LYPD6B: variants seen among roughly 807,000 people sequenced by gnomAD.
LYPD6B encodes the protein ly6/PLAUR domain-containing protein 6B.
LYPD6B carries 17 observed loss-of-function variants against 22.8 expected under a neutral mutation model. The ratio of observed to expected loss-of-function variants is 0.75; its 90% CI spans 0.51 to 1.12. LYPD6B has a LOEUF of 1.12. Ranked by LOEUF, LYPD6B falls within the 50% of genes most tolerant of loss-of-function variation. LYPD6B has a pLI of 0.00. For synonymous variants in LYPD6B, 106 were observed against 91.6 expected (o/e 1.16, Z -0.90); for missense variants, 221 against 258.3 (o/e 0.86, Z 0.99).
Position 149,214,964 on chromosome 2 carries a change from G to A in LYPD6B, c.*254G>A. ...CCTGGTCAAAGAGAGCTACGTTTGG[G>A]CAGTTCTGCAGAGAGGATCCTGGCA... On this transcript the variant is annotated 3_prime_UTR_variant, in exon 7 of 7. Coordinates refer to ENST00000409642, the MANE Select transcript of LYPD6B (RefSeq NM_177964.5). 2.0e-6 allele frequency: 1 copy of A among 494,034 alleles called. No individual in the cohort carries two copies. Among genetic ancestry groups the A allele is most frequent in the Non-Finnish European group, 3.7e-6 (1 of 273,300 alleles). 30.6% of individuals were successfully genotyped at this position (494,034 alleles called of 1,614,324 possible). A position where few individuals can be genotyped will look rare whatever the true frequency, so the allele number is the denominator to read the frequency against.
chr2:149,155,990 G>A (rs986666672), intron 2 of LYPD6B, among the ~76,000 whole-genome samples: 1 of 152,174 alleles, frequency 6.6e-6, no homozygotes, highest in African/African-American at 2.4e-5. Flanking sequence ...AATGTGCAAG[G>A]ATTTTTACCC....
rs146713782 is a variant in LYPD6B, at chr2:149,176,541, C to T, written c.77+15706C>T. Among the ~76,000 whole-genome samples, 213 of 152,248 alleles carry T rather than the reference C, an allele frequency of 1.4e-3. 1 individual carries two copies. The highest frequency in any genetic ancestry group is 4.9e-3 in the African/African-American group (203 of 41,534). ...CATTGATAAGTTGTCTGGAGCTGGA[C>T]TCCAGATGCCTGCAAAGACCCCTCT... On this transcript the variant is annotated intron_variant, in intron 3 of 6. Transcript: ENST00000409642.
intron 1 of LYPD6B, among the ~76,000 whole-genome samples, chr2:149,046,816 TATC>T (rs1683328435): frequency 6.6e-6 from 1 of 152,340 alleles, no homozygotes; most frequent in East Asian, 1.9e-4. Flanking sequence ...CTATTGTTAT[TATC>T]ATTTTTTAAT....
At chr2:149,076,936 T>C (rs555025031) in intron 1 of LYPD6B, among the ~76,000 whole-genome samples, 3 of 152,076 alleles carry the variant, frequency 2.0e-5, no homozygotes, top group Admixed American at 6.6e-5. Context: ...GGGGTTAGAG[T>C]TGGTTCTGTG....
At chr2:149,183,619 A>T (rs1342954357) in intron 3 of LYPD6B, among the ~76,000 whole-genome samples, 1 of 152,160 alleles carries the variant, frequency 6.6e-6, no homozygotes, top group African/African-American at 2.4e-5. Context: ...TACATGTAGT[A>T]GAGTTAGTAA....
chr2:149,083,899 A>G (rs1187747469), intron 1 of LYPD6B, among the ~76,000 whole-genome samples: 3 of 151,878 alleles, frequency 2.0e-5, no homozygotes, highest in Non-Finnish European at 2.9e-5. Context: ...ACACGGTGAA[A>G]CCCTGTGTCT....
rs902001479 is a variant in LYPD6B, at chr2:149,133,947, C to T, written c.5+2994C>T. 2.6e-5 allele frequency among the ~76,000 whole-genome samples: 4 copies of T among 151,952 alleles called. No individual in the cohort carries two copies. The East Asian group carries it at 7.7e-4, about 29-fold the overall frequency. On this transcript the variant is annotated intron_variant, in intron 2 of 6. Coordinates refer to ENST00000409642, the MANE Select transcript of LYPD6B (RefSeq NM_177964.5). ...GTTATATTGAGGGGAGAGGAAAGAC[C>T]AACAAGCAATATATTTCTAGTGGTG...
At chr2:149,172,999 C>T (rs185942307) in intron 3 of LYPD6B, among the ~76,000 whole-genome samples, 25 of 150,496 alleles carry the variant, frequency 1.7e-4, no homozygotes, top group East Asian at 7.8e-4. Flanking sequence ...TATATATATG[C>T]GCTTATATAT....
chr2:149,061,662 C>T (rs1042398934), intron 1 of LYPD6B, among the ~76,000 whole-genome samples: 1 of 152,108 alleles, frequency 6.6e-6, no homozygotes, highest in African/African-American at 2.4e-5. Flanking sequence ...AAATACCATT[C>T]TTTTGCCAGC....
At chr2:149,058,579 G>C (rs1477875102) in intron 1 of LYPD6B, among the ~76,000 whole-genome samples, 1 of 152,172 alleles carries the variant, frequency 6.6e-6, no homozygotes, top group African/African-American at 2.4e-5. Context: ...TGTTTATGGA[G>C]TCTCAGCCTC....
At chr2:149,197,627 A>G (rs1185948183) in intron 3 of LYPD6B, among the ~76,000 whole-genome samples, 1 of 152,226 alleles carries the variant, frequency 6.6e-6, no homozygotes, top group African/African-American at 2.4e-5. Flanking sequence ...ATGACTCATT[A>G]ATTAGAGAAT....
At chr2:149,092,179 G>A (rs913219182) in intron 1 of LYPD6B, among the ~76,000 whole-genome samples, 2 of 152,084 alleles carry the variant, frequency 1.3e-5, no homozygotes, top group Non-Finnish European at 2.9e-5. Context: ...TGGTGGTTGT[G>A]ATTGTGGTGA....
intron 5 of LYPD6B, among the ~76,000 whole-genome samples, chr2:149,211,065 G>A (rs1693822362): frequency 6.6e-6 from 1 of 152,280 alleles, no homozygotes; most frequent in East Asian, 1.9e-4. Flanking sequence ...AGGGAATGAG[G>A]CATCTCACAT....
At chr2:149,050,468 T>C (rs929268415) in intron 1 of LYPD6B, among the ~76,000 whole-genome samples, 2 of 152,210 alleles carry the variant, frequency 1.3e-5, no homozygotes, top group African/African-American at 4.8e-5. Flanking sequence ...CTCCTGCATT[T>C]TGGGACTATT....
intron 1 of LYPD6B, among the ~76,000 whole-genome samples, chr2:149,042,575 G>A (rs1357297427): frequency 2.0e-5 from 3 of 152,132 alleles, no homozygotes; most frequent in Non-Finnish European, 4.4e-5. Context: ...AAATGCCTTG[G>A]GCAGTCATTT....
chr2:149,048,204 C>G (rs1683395659), intron 1 of LYPD6B, among the ~76,000 whole-genome samples: 1 of 152,072 alleles, frequency 6.6e-6, no homozygotes, highest in Non-Finnish European at 1.5e-5. Context: ...AACTAGACAT[C>G]TTATATAGGA....
At chr2:149,146,220 G>A (rs1212234052) in intron 2 of LYPD6B, among the ~76,000 whole-genome samples, 2 of 152,200 alleles carry the variant, frequency 1.3e-5, no homozygotes, top group East Asian at 1.9e-4. Context: ...TGCTCATGGG[G>A]GAATGAAGAG....
intron 1 of LYPD6B, among the ~76,000 whole-genome samples, chr2:149,041,098 CA>C (rs552623435): frequency 0.59 from 64,991 of 110,522 alleles, 15,974 homozygotes; most frequent in Non-Finnish European, 0.65. Context: ...GACTCCGTCT[CA>C]AAAAAAAAAA....
intron 1 of LYPD6B, among the ~76,000 whole-genome samples, chr2:149,050,991 C>T (rs1171048859): frequency 6.6e-6 from 1 of 151,736 alleles, no homozygotes; most frequent in Admixed American, 6.6e-5. Context: ...CAGAAATAGT[C>T]ACGGTTTGCA....
Sources: gnomAD v4.1 joint callset for allele counts (sites outside exome capture counted in the v4.1 genomes callset) on GRCh38, gnomAD v4.1.1 for gene constraint, MANE v1.5 for transcripts, NCBI Gene and HGNC (gene_info 2026-07-23, HGNC 2026-07-21) for gene names.